Variants in LPP observed in about 807,000 individuals in gnomAD.
LPP encodes lipoma-preferred partner.
In LPP, 38 loss-of-function variants were observed where a neutral mutation model predicts 60.4. The observed-to-expected ratio is 0.63, with a 90% CI of 0.49 to 0.83. LPP has a LOEUF of 0.83. Ranked by LOEUF, LPP falls within the 40% of genes least tolerant of loss-of-function variation. LPP has a pLI of 0.00. For missense variants in LPP, 902 were observed against 783.6 expected (o/e 1.15, Z -1.80); for synonymous variants, 328 against 290.8 (o/e 1.13, Z -1.30).
At chr3:188,502,432 C>A (rs892594348) in intron 5 of LPP, among the ~76,000 whole-genome samples, 1 of 151,898 alleles carries the variant, frequency 6.6e-6, no homozygotes, top group Non-Finnish European at 1.5e-5. Flanking sequence ...TGCTAGTCTG[C>A]TTTTTGTGGG....
At chr3:188,541,969 T>C (rs896399282) in intron 6 of LPP, among the ~76,000 whole-genome samples, 19 of 152,186 alleles carry the variant, frequency 1.2e-4, no homozygotes, top group Admixed American at 1.0e-3. Context: ...ATGTTTGATA[T>C]ATGTATACAT....
chr3:188,299,154 TTCCTTCACACAGCC>T (rs1351547471), intron 2 of LPP, among the ~76,000 whole-genome samples: 2 of 152,206 alleles, frequency 1.3e-5, no homozygotes, highest in African/African-American at 4.8e-5. Flanking sequence ...GAGGCCACTT[TTCCTTCACACAGCC>T]TCGGACTCTC....
intron 9 of LPP, among the ~76,000 whole-genome samples, chr3:188,824,868 AG>A (rs573233360): frequency 8.9e-4 from 135 of 152,260 alleles, no homozygotes; most frequent in Non-Finnish European, 1.6e-3. Context: ...TCAAAGACCA[AG>A]GTGATGATGA....
intron 7 of LPP, among the ~76,000 whole-genome samples, chr3:188,694,803 G>T (rs1862895109): frequency 6.6e-6 from 1 of 152,082 alleles, no homozygotes. Context: ...AATATTTTTG[G>T]TTTCCATCTT....
At chr3:188,563,716 GTGTTTTTTTT>G (rs1288280044) in intron 6 of LPP, among the ~76,000 whole-genome samples, 1 of 108,050 alleles carries the variant, frequency 9.3e-6, no homozygotes, top group South Asian at 3.1e-4. Flanking sequence ...GGAATTGCTT[GTGTTTTTTTT>G]TGTTTTTTTT....
chr3:188,777,782 G>C (rs1165859280), intron 9 of LPP, among the ~76,000 whole-genome samples: 1 of 152,170 alleles, frequency 6.6e-6, no homozygotes, highest in Non-Finnish European at 1.5e-5. Context: ...GAGATTTTCT[G>C]TTGGCCCTTG....
chr3:188,749,712 G>A (rs1031008286), intron 8 of LPP, among the ~76,000 whole-genome samples: 1 of 152,078 alleles, frequency 6.6e-6, no homozygotes, highest in Non-Finnish European at 1.5e-5. Flanking sequence ...GTCTCATTTA[G>A]CTTTTAGTTA....
chr3:188,273,589 CTTTTTTTTTTT>C lies in LPP; in HGVS notation c.-67+48075_-67+48085del, dbSNP rs11380757. ...CCACCTTGACTTGGCTATTTTATAT[CTTTTTTTTTTT>C]TTTTTTTTTTTTGAGACGGAGTTTC... On this transcript the variant is annotated intron_variant, in intron 2 of 11. Transcript: ENST00000617246. 6.9e-3 allele frequency among the ~76,000 whole-genome samples: 552 copies of C among 80,454 alleles called. 8 individuals are homozygous for C. Among genetic ancestry groups the C allele is most frequent in the African/African-American group, 0.023 (493 of 21,322 alleles). 52.8% of individuals were successfully genotyped at this position (80,454 alleles called of 152,430 possible). A position where few individuals can be genotyped will look rare whatever the true frequency, so the allele number is the denominator to read the frequency against.
intron 8 of LPP, among the ~76,000 whole-genome samples, chr3:188,726,883 C>G (rs1718606359): frequency 6.6e-6 from 1 of 151,992 alleles, no homozygotes. Flanking sequence ...AAGTAAATAT[C>G]AAAAAAGGGA....
At chr3:188,631,427 G>A (rs760404503) in intron 7 of LPP, among the ~76,000 whole-genome samples, 1 of 152,098 alleles carries the variant, frequency 6.6e-6, no homozygotes, top group African/African-American at 2.4e-5. Flanking sequence ...TAGCTGATGA[G>A]TTCTATTTTG....
At chr3:188,596,563 A>G (rs566882038) in intron 6 of LPP, among the ~76,000 whole-genome samples, 2 of 152,268 alleles carry the variant, frequency 1.3e-5, no homozygotes, top group African/African-American at 4.8e-5. Context: ...ATACACATTC[A>G]AATCATCGTA....
intron 2 of LPP, among the ~76,000 whole-genome samples, chr3:188,318,816 T>C (rs1368025090): frequency 3.6e-5 from 5 of 140,106 alleles, no homozygotes; most frequent in South Asian, 2.3e-4. Flanking sequence ...TGGAGTGCAG[T>C]GGCGCGATCT....
intron 7 of LPP, among the ~76,000 whole-genome samples, chr3:188,686,541 T>G (rs890608372): frequency 6.6e-6 from 1 of 152,212 alleles, no homozygotes; most frequent in Non-Finnish European, 1.5e-5. Context: ...CTTGCAGTTC[T>G]TATCTTACGT....
intron 8 of LPP, among the ~76,000 whole-genome samples, chr3:188,740,569 A>G (rs1724063112): frequency 6.6e-6 from 1 of 152,050 alleles, no homozygotes; most frequent in Admixed American, 6.6e-5. Context: ...TCAGAACCTC[A>G]TAACTTACTT....
intron 7 of LPP, among the ~76,000 whole-genome samples, chr3:188,688,141 T>C (rs1166746922): frequency 6.6e-6 from 1 of 152,216 alleles, no homozygotes; most frequent in Non-Finnish European, 1.5e-5. Flanking sequence ...AAAACAATAA[T>C]CTATATGATG....
intron 2 of LPP, among the ~76,000 whole-genome samples, chr3:188,230,394 T>A (rs934949915): frequency 1.3e-5 from 2 of 152,316 alleles, no homozygotes; most frequent in Non-Finnish European, 2.9e-5. Flanking sequence ...CATTTATTAA[T>A]CACCAGATAT....
At chr3:188,319,594 T>C (rs1375328585) in intron 2 of LPP, among the ~76,000 whole-genome samples, 1 of 152,198 alleles carries the variant, frequency 6.6e-6, no homozygotes, top group Non-Finnish European at 1.5e-5. Context: ...CTTTTTCTGA[T>C]GGGGTTTTGA....
intron 2 of LPP, among the ~76,000 whole-genome samples, chr3:188,327,396 T>G (rs948336269): frequency 2.0e-5 from 3 of 152,212 alleles, no homozygotes; most frequent in African/African-American, 7.2e-5. Flanking sequence ...TGCTAGGCAC[T>G]GTATATAGTA....
chr3:188,365,801 G>A (rs1770983308), intron 3 of LPP, among the ~76,000 whole-genome samples: 1 of 151,162 alleles, frequency 6.6e-6, no homozygotes, highest in Non-Finnish European at 1.5e-5. Flanking sequence ...GTATAGTTAA[G>A]GTATACAACA....
Sources: allele counts gnomAD v4.1 joint callset (sites outside exome capture counted in the v4.1 genomes callset), GRCh38; gene constraint gnomAD v4.1.1; transcripts MANE v1.5; gene names NCBI Gene and HGNC (gene_info 2026-07-23, HGNC 2026-07-21).